Variants in SAMSN1 observed in about 807,000 individuals in gnomAD.
The protein encoded by SAMSN1 is SAM domain, SH3 domain and nuclear localization signals 1, also known as SAM domain-containing protein SAMSN-1.
SAMSN1 carries 31 observed loss-of-function variants against 42.0 expected under a neutral mutation model. That is an observed-to-expected ratio of 0.74 (90% CI 0.55 to 1.00). SAMSN1 has a LOEUF of 1.00. Among genes scored for constraint, SAMSN1 ranks in the 50% least tolerant of loss-of-function variants. The pLI is 0.00. For missense variants in SAMSN1, 464 were observed against 439.4 expected (o/e 1.06, Z -0.50); for synonymous variants, 178 against 151.9 (o/e 1.17, Z -1.26).
At chr21:14,492,892 C>T (rs570216899) in intron 7 of SAMSN1, among the ~76,000 whole-genome samples, 1 of 152,308 alleles carries the variant, frequency 6.6e-6, no homozygotes, top group South Asian at 2.1e-4. Flanking sequence ...GGTAGCATAG[C>T]TTTTCTTTAA....
chr21:14,583,776 C>T, upstream of SAMSN1: 1 of 717,482 alleles, frequency 1.4e-6, no homozygotes, highest in South Asian at 1.5e-5. Context: ...GATTTTATGG[C>T]CTAGCACAAA....
chr21:14,509,910 C>A (rs944820755), intron 5 of SAMSN1, among the ~76,000 whole-genome samples: 1 of 152,098 alleles, frequency 6.6e-6, no homozygotes, highest in Non-Finnish European at 1.5e-5. Flanking sequence ...GAGGCCGAGG[C>A]GGGCGGATCA....
At chr21:14,655,223 A>C (rs532108574) in intron 1 of SAMSN1, among the ~76,000 whole-genome samples, 23 of 151,892 alleles carry the variant, frequency 1.5e-4, no homozygotes, top group Non-Finnish European at 1.6e-4. Context: ...TAGACCTTTC[A>C]TAAGAGAGAA....
At chr21:14,560,405 T>C (rs1390331492) in intron 2 of SAMSN1, among the ~76,000 whole-genome samples, 2 of 152,196 alleles carry the variant, frequency 1.3e-5, no homozygotes, top group Non-Finnish European at 2.9e-5. Context: ...TTCCTGAGTG[T>C]AGGCCAAGCT....
intron 2 of SAMSN1, among the ~76,000 whole-genome samples, chr21:14,564,194 C>T (rs1981035885): frequency 6.6e-6 from 1 of 152,154 alleles, no homozygotes. Context: ...TAGATGCCTA[C>T]ATACTGACTT....
chr21:14,544,264 T>C (rs1980239646), intron 1 of SAMSN1, among the ~76,000 whole-genome samples: 1 of 152,194 alleles, frequency 6.6e-6, no homozygotes, highest in Admixed American at 6.5e-5. Flanking sequence ...TTGCCCAGAC[T>C]GGGCTGGAAC....
chr21:14,530,599 A>G (rs1270164232), intron 1 of SAMSN1, among the ~76,000 whole-genome samples: 4 of 152,236 alleles, frequency 2.6e-5, no homozygotes, highest in Non-Finnish European at 5.9e-5. Context: ...TGGATGAACT[A>G]TCTCTTGAAA....
At chr21:14,641,369 A>T (rs461634) in intron 2 of SAMSN1, among the ~76,000 whole-genome samples, 7 of 152,104 alleles carry the variant, frequency 4.6e-5, no homozygotes, top group African/African-American at 1.7e-4. Context: ...TTTGAAAGCT[A>T]TGATAATAAG....
intron 2 of SAMSN1, among the ~76,000 whole-genome samples, chr21:14,552,086 A>G (rs1419495269): frequency 6.6e-6 from 1 of 152,124 alleles, no homozygotes; most frequent in African/African-American, 2.4e-5. Flanking sequence ...AAACCAGTAA[A>G]TCTGCAGCCA....
At chr21:14,566,033 C>T (rs944185817) in intron 2 of SAMSN1, among the ~76,000 whole-genome samples, 7 of 152,142 alleles carry the variant, frequency 4.6e-5, no homozygotes, top group East Asian at 1.9e-4. Context: ...GTTCTGTTTT[C>T]GTTATTAGTA....
At chr21:14,613,739 T>C (rs1982766659) in intron 3 of SAMSN1, among the ~76,000 whole-genome samples, 2 of 151,774 alleles carry the variant, frequency 1.3e-5, no homozygotes, top group Admixed American at 6.6e-5. Flanking sequence ...ACAATGAGAG[T>C]AGACGTAAAG....
upstream of SAMSN1, among the ~76,000 whole-genome samples, chr21:14,548,406 T>C (rs1980498069): frequency 6.6e-6 from 1 of 152,160 alleles, no homozygotes. Context: ...GTTTCTATAA[T>C]ACAGTGCTAA....
chr21:14,515,473 C>T (rs1311323685), intron 3 of SAMSN1, among the ~76,000 whole-genome samples: 3 of 151,964 alleles, frequency 2.0e-5, no homozygotes, highest in Non-Finnish European at 4.4e-5. Flanking sequence ...TGGACTCTTC[C>T]TATATACTGT....
chr21:14,623,401 C>A (rs949519524), intron 2 of SAMSN1, among the ~76,000 whole-genome samples: 2 of 152,028 alleles, frequency 1.3e-5, no homozygotes, highest in Non-Finnish European at 2.9e-5. Context: ...CAGAGACACA[C>A]ATAGGCTCAA....
At chr21:14,636,580 A>G (rs753709458) in intron 2 of SAMSN1, among the ~76,000 whole-genome samples, 1 of 152,162 alleles carries the variant, frequency 6.6e-6, no homozygotes, top group Non-Finnish European at 1.5e-5. Context: ...TGGTGGCTCA[A>G]GCTTGTAATA....
chr21:14,640,086 G>A (rs899585365), intron 2 of SAMSN1, among the ~76,000 whole-genome samples: 6 of 152,064 alleles, frequency 3.9e-5, no homozygotes, highest in Non-Finnish European at 8.8e-5. Context: ...CATCTCCTTT[G>A]AGAATATTGA....
chr21:14,570,285 A>T (rs1981258855), intron 2 of SAMSN1, among the ~76,000 whole-genome samples: 1 of 152,202 alleles, frequency 6.6e-6, no homozygotes, highest in Admixed American at 6.5e-5. Context: ...GAGATTTTAC[A>T]GTGGCAATAT....
intron 6 of SAMSN1, chr21:14,601,989 C>A: frequency 3.0e-6 from 2 of 662,446 alleles, no homozygotes; most frequent in East Asian, 2.7e-5. Flanking sequence ...AGACGATTTT[C>A]ACAAAACACG....
At chr21:14,630,374 T>G (rs1433520912) in intron 2 of SAMSN1, among the ~76,000 whole-genome samples, 1 of 151,960 alleles carries the variant, frequency 6.6e-6, no homozygotes, top group African/African-American at 2.4e-5. Context: ...ATGGGCTTTT[T>G]TGCTTTACAG....
Sources: gnomAD v4.1 joint callset for allele counts (sites outside exome capture counted in the v4.1 genomes callset) on GRCh38, gnomAD v4.1.1 for gene constraint, MANE v1.5 for transcripts, NCBI Gene and HGNC (gene_info 2026-07-23, HGNC 2026-07-21) for gene names.